The following SNX14 variants were observed in gnomAD, a reference collection of about 807,000 sequenced individuals.
SNX14 encodes sorting nexin-14.
A neutral mutation model predicts 133.8 loss-of-function variants in SNX14; 93 were observed. That is an observed-to-expected ratio of 0.70 (90% CI 0.59 to 0.83). SNX14 has a LOEUF of 0.83. Among genes scored for constraint, SNX14 ranks in the 40% least tolerant of loss-of-function variants. SNX14 has a pLI of 0.00. For missense variants in SNX14, 945 were observed against 1,094.9 expected (o/e 0.86, Z 1.93); for synonymous variants, 368 against 365.6 (o/e 1.01, Z -0.07).
chr6:85,535,604 CAAAAA>C (rs10707377), intron 17 of SNX14, among the ~76,000 whole-genome samples: 1 of 84,332 alleles, frequency 1.2e-5, no homozygotes, highest in Non-Finnish European at 2.4e-5. Context: ...GACTCCGTCT[CAAAAA>C]AAAAAAAAAA....
intron 16 of SNX14, 52 bp from the exon 17 acceptor site, chr6:85,536,976 C>A: frequency 6.6e-7 from 1 of 1,514,796 alleles, no homozygotes. Context: ...TCACAACAGT[C>A]TAGTTTATTG....
At chr6:85,539,191 G>A (rs975405806) in intron 15 of SNX14, among the ~76,000 whole-genome samples, 4 of 151,960 alleles carry the variant, frequency 2.6e-5, no homozygotes, top group Non-Finnish European at 4.4e-5. Context: ...AATTAAAAAA[G>A]GTTCTTAGAA....
At chr6:85,558,349 A>C (rs936390207) in intron 6 of SNX14, among the ~76,000 whole-genome samples, 4 of 152,206 alleles carry the variant, frequency 2.6e-5, no homozygotes, top group Non-Finnish European at 4.4e-5. Context: ...AAATGCGTTC[A>C]AGGAAAACTC....
chr6:85,591,962 G>A (rs780789817), intron 1 of SNX14, among the ~76,000 whole-genome samples: 18 of 152,194 alleles, frequency 1.2e-4, no homozygotes, highest in Non-Finnish European at 2.5e-4. Context: ...GCAGTGAGCC[G>A]AGACCGCATC....
At chr6:85,580,867 A>G (rs1381840059) in intron 1 of SNX14, among the ~76,000 whole-genome samples, 1 of 152,106 alleles carries the variant, frequency 6.6e-6, no homozygotes, top group African/African-American at 2.4e-5. Context: ...TAAGGTTTCC[A>G]ACTCCTGGTC....
Position 85,572,117 on chromosome 6 carries a change from A to C in SNX14, c.417+20T>G. 3 of 1,566,016 alleles carry C rather than the reference A, an allele frequency of 1.9e-6. No individual in the cohort carries two copies. Among genetic ancestry groups the C allele is most frequent in the East Asian group, 2.2e-5 (1 of 44,584 alleles). On this transcript the variant is annotated intron_variant, in intron 4 of 28. Transcript: ENST00000314673. ...AGGCATTTAACATTTTCTGTTAATA[A>C]TATTAATTAAATCAGTTACCTCTGA...
At chr6:85,524,687 G>C (rs1398222772) in intron 21 of SNX14, among the ~76,000 whole-genome samples, 1 of 151,800 alleles carries the variant, frequency 6.6e-6, no homozygotes, top group Non-Finnish European at 1.5e-5. Flanking sequence ...GGGAGGCTAA[G>C]GCAGGAGAAT....
In SNX14 at chr6:85,514,542, T is replaced by C. The variant is rs1774126192; in HGVS notation, c.2356A>G (p.Thr786Ala). 1.2e-6 allele frequency: 2 copies of C among 1,613,536 alleles called. No homozygotes were observed. Among genetic ancestry groups the C allele is most frequent in the Non-Finnish European group, 1.7e-6 (2 of 1,179,772 alleles). The change falls in exon 24 of 29, where the codon ACT becomes GCT. Residue 786 changes from threonine to alanine, a missense_variant. Transcript: ENST00000314673. ...AGGTAATCATAGACTCCTTCTACAG[T>C]CATCACCTCCATAAAATAATTCTGA... ...QNQNYFMEVM[T>A]VEGVYDYLMY... is the part of the protein sequence containing the mutation.
chr6:85,566,532 T>C (rs989653643), intron 5 of SNX14, among the ~76,000 whole-genome samples: 1 of 152,004 alleles, frequency 6.6e-6, no homozygotes, highest in African/African-American at 2.4e-5. Context: ...ACCCCATCTC[T>C]ACTAAAAATA....
intron 4 of SNX14, among the ~76,000 whole-genome samples, chr6:85,571,867 ATCATAAAGATGACTGTTT>A (rs1255382235): frequency 6.6e-6 from 1 of 152,188 alleles, no homozygotes; most frequent in Non-Finnish European, 1.5e-5. Flanking sequence ...CTGCTGCGCT[ATCATAAAGATGACTGTTT>A]TCATCTTTAT....
intron 1 of SNX14, among the ~76,000 whole-genome samples, chr6:85,577,158 A>G (rs1797591221): frequency 6.6e-6 from 1 of 152,176 alleles, no homozygotes; most frequent in South Asian, 2.1e-4. Context: ...TCATAACTGT[A>G]ATCCTAACAC....
At chr6:85,539,649 T>C (rs576492633) in intron 15 of SNX14, among the ~76,000 whole-genome samples, 8 of 152,068 alleles carry the variant, frequency 5.3e-5, no homozygotes, top group Non-Finnish European at 1.2e-4. Context: ...TCTTTTAACT[T>C]ATTATATATA....
Position 85,516,993 on chromosome 6 carries a change from A to C in SNX14, c.2268+763T>G, listed in dbSNP as rs541226000. Among the ~76,000 whole-genome samples the C allele has an allele frequency of 2.0e-5, 3 of 152,140 alleles. No individual in the cohort carries two copies. The South Asian group carries it at 6.2e-4, about 31-fold the overall frequency. ...AATACAAAAAGAGCTACACCACACT[A>C]TTCGATGGTGAAATAATTAAACAAT... On this transcript the variant is annotated intron_variant, in intron 23 of 28. Transcript: ENST00000314673.
rs1582539619 is a variant in SNX14, at chr6:85,518,002, A to T, written c.2148+6T>A. On this transcript the variant is annotated splice_donor_region_variant and intron_variant, in intron 22 of 28. Transcript: ENST00000314673. Reference sequence around the variant, plus strand: ...GTTATAGAACACACATAAATCAGTTACTCACCTCTTTCATTAGTTTTCCAG... The same window carrying T: ...GTTATAGAACACACATAAATCAGTTTCTCACCTCTTTCATTAGTTTTCCAG... 1 of 1,596,438 alleles carries T rather than the reference A, an allele frequency of 6.3e-7. No homozygotes were observed. The highest frequency in any genetic ancestry group is 8.6e-7 in the Non-Finnish European group (1 of 1,168,838).
At chr6:85,526,983 C>A (rs1041592744) in intron 20 of SNX14, among the ~76,000 whole-genome samples, 1 of 152,040 alleles carries the variant, frequency 6.6e-6, no homozygotes, top group African/African-American at 2.4e-5. Flanking sequence ...GCTGGAGAAT[C>A]GGTTGAACTC....
intron 7 of SNX14, 139 bp from the exon 8 acceptor site, chr6:85,550,018 A>G: frequency 1.5e-6 from 1 of 666,108 alleles, no homozygotes; most frequent in South Asian, 2.1e-5. Flanking sequence ...AGGCCGAGGC[A>G]GGCAAATCGC....
intron 23 of SNX14, 123 bp downstream of exon 23, chr6:85,517,633 C>T: frequency 3.4e-6 from 4 of 1,162,420 alleles, no homozygotes; most frequent in Non-Finnish European, 4.7e-6. Context: ...CTGATTTCCA[C>T]ATAAAGGAAA....
chr6:85,564,614 G>A (rs114870106), intron 6 of SNX14, among the ~76,000 whole-genome samples: 1,534 of 152,154 alleles, frequency 0.01, 27 homozygotes, highest in African/African-American at 0.034. Flanking sequence ...AAAACTGATC[G>A]ATGGATCAAA....
At chr6:85,530,360 G>A in intron 18 of SNX14, 85 bp from the exon 19 acceptor site, 2 of 918,742 alleles carry the variant, frequency 2.2e-6, no homozygotes, top group South Asian at 1.7e-5. Context: ...AGAATACAAA[G>A]CTGGCTAGAC....
Sources: gnomAD v4.1 joint callset for allele counts (sites outside exome capture counted in the v4.1 genomes callset) on GRCh38, gnomAD v4.1.1 for gene constraint, MANE v1.5 for transcripts, NCBI Gene and HGNC (gene_info 2026-07-23, HGNC 2026-07-21) for gene names.